The following RRP8 variants were observed in gnomAD, a reference collection of about 807,000 sequenced individuals.
RRP8 encodes ribosomal RNA processing 8, also known as ribosomal RNA-processing protein 8.
A neutral mutation model predicts 45.0 loss-of-function variants in RRP8; 48 were observed. The observed-to-expected ratio is 1.07, with a 90% CI of 0.85 to 1.36. The LOEUF (loss-of-function observed/expected upper bound fraction) is 1.36, where lower values mean the gene tolerates loss of function less well. Among genes scored for constraint, RRP8 ranks in the 40% most tolerant of loss-of-function variants. RRP8 has a pLI of 0.00. For synonymous variants in RRP8, 274 were observed against 212.4 expected (o/e 1.29, Z -2.52); for missense variants, 658 against 573.7 (o/e 1.15, Z -1.50).
In RRP8 at chr11:6,601,979, C is replaced by T; in HGVS notation, c.336G>A (p.Arg112=). 1 of 1,614,202 alleles carries T rather than the reference C, an allele frequency of 6.2e-7. No individual in the cohort carries two copies. The highest frequency in any genetic ancestry group is 1.6e-4 in the Middle Eastern group (1 of 6,062). ...GAGCCTGTTTGTGGCATTTCTTCTT[C>T]CTTTCTACTTCTTCCTCAGAGTCAC... ...PCSDSEEEVE[R]KKKCHKQALV... is the part of the protein sequence containing the mutation. The change falls in exon 2 of 7, where the codon AGG becomes AGA. Residue 112 remains arginine, a synonymous_variant. Transcript: ENST00000254605.
Position 6,595,324 on chromosome 11 carries a change from A to G in RRP8, c.*4822T>C, listed in dbSNP as rs922754468. On this transcript the variant is annotated 3_prime_UTR_variant, in exon 7 of 7. Coordinates refer to ENST00000254605, the MANE Select transcript of RRP8 (RefSeq NM_015324.4). ...GGAACGTATTTATACCAGAGTATTA[A>G]CAATGTAGAAGGACCCTTGAAACGA... The G allele has an allele frequency of 4.6e-5, 7 of 152,176 alleles. No individual in the cohort carries two copies. The highest frequency in any genetic ancestry group is 1.4e-4 in the African/African-American group (6 of 41,430). 9.4% of individuals were successfully genotyped at this position (152,176 alleles called of 1,614,324 possible). A position where few individuals can be genotyped will look rare whatever the true frequency, so the allele number is the denominator to read the frequency against.
Position 6,603,590 on chromosome 11 carries a change from G to A in RRP8, c.-88C>T, listed in dbSNP as rs1854518949. 6 of 799,732 alleles carry A rather than the reference G, an allele frequency of 7.5e-6. No homozygotes were observed. In the East Asian group the frequency reaches 1.8e-4, roughly 24 times the overall value. 49.5% of individuals were successfully genotyped at this position (799,732 alleles called of 1,614,324 possible). A position where few individuals can be genotyped will look rare whatever the true frequency, so the allele number is the denominator to read the frequency against. On this transcript the variant is annotated 5_prime_UTR_variant, in exon 1 of 7. Coordinates refer to ENST00000254605, the MANE Select transcript of RRP8 (RefSeq NM_015324.4). ...GAAGTCGGAGCGCTCAGACCTGCCA[G>A]AACCGACCCGGAAACCAAAGCGTGA...
At position 6,603,578 on chromosome 11, in the gene RRP8, T is replaced by C; in HGVS notation, c.-76A>G. 9.9e-7 allele frequency: 1 copy of C among 1,006,460 alleles called. No individual in the cohort carries two copies. Among genetic ancestry groups the C allele is most frequent in the Non-Finnish European group, 1.4e-6 (1 of 693,338 alleles). 62.3% of individuals were successfully genotyped at this position (1,006,460 alleles called of 1,614,324 possible). ...AGCGCTCCTCTGGAAGTCGGAGCGCTCAGACCTGCCAGAACCGACCCGGAA... is the reference window on the plus strand; with the variant it reads ...AGCGCTCCTCTGGAAGTCGGAGCGCCCAGACCTGCCAGAACCGACCCGGAA... On this transcript the variant is annotated 5_prime_UTR_variant, in exon 1 of 7. Coordinates refer to ENST00000254605, the MANE Select transcript of RRP8 (RefSeq NM_015324.4).
Position 6,599,936 on chromosome 11 carries a change from T to G in RRP8, c.*210A>C. The G allele has an allele frequency of 2.8e-6, 1 of 362,232 alleles. No individual in the cohort carries two copies. The allele number at this position is 362,232 out of a possible 1,614,324, so 22.4% of individuals were successfully genotyped here. A position where few individuals can be genotyped will look rare whatever the true frequency, so the allele number is the denominator to read the frequency against. ...ATATCCCCATGTTCTCACAATAAAC[T>G]CTTTATTGTTTAGCTAGCCCCAGTG... On this transcript the variant is annotated 3_prime_UTR_variant, in exon 7 of 7. Transcript: ENST00000254605.
intron 6 of RRP8, 92 bp from the exon 7 acceptor site, chr11:6,600,357 C>T (rs1854311929): frequency 7.7e-7 from 1 of 1,300,596 alleles, no homozygotes; most frequent in African/African-American, 1.5e-5. Context: ...CACAAAGCTT[C>T]CCAGGGCTCC....
rs1270166513 is a variant in RRP8 at position 6,597,584 on chromosome 11, T to TAA, written c.*2560_*2561dup. On this transcript the variant is annotated 3_prime_UTR_variant, in exon 7 of 7. Transcript: ENST00000254605. The stretch of plus-strand genomic sequence containing the variant: ...AGCTAACAACCTGCCCATCCTCCCA[T>TAA]AAAAAAAAAAAAAAAAAAAACACTG... The TAA allele has an allele frequency of 0.37, 44,209 of 119,972 alleles. 8,457 individuals carry two copies. The highest frequency in any genetic ancestry group is 0.39 in the Admixed American group (4,495 of 11,588). The allele number at this position is 119,972 out of a possible 1,614,324, so 7.4% of individuals were successfully genotyped here. A position where few individuals can be genotyped will look rare whatever the true frequency, so the allele number is the denominator to read the frequency against.
In RRP8 at chr11:6,600,139, C is replaced by T. The variant is rs61875867; in HGVS notation, c.*7G>A. 0.021 allele frequency: 32,139 copies of T among 1,552,808 alleles called. 433 individuals are homozygous for T. The highest frequency in any genetic ancestry group is 0.025 in the Non-Finnish European group (28,099 of 1,144,938). On this transcript the variant is annotated 3_prime_UTR_variant, in exon 7 of 7. Transcript: ENST00000254605. The stretch of plus-strand genomic sequence containing the variant: ...ATCTGCCTCCCCTTTCAAGGAAGAT[C>T]CAGAGGTCACCTGCGCTTGTAGAGA...
Position 6,601,846 on chromosome 11 carries a change from T to C in RRP8, c.463+6A>G, listed in dbSNP as rs974214440. On this transcript the variant is annotated splice_donor_region_variant and intron_variant, in intron 2 of 6. Transcript: ENST00000254605. ...AACACACACACATATACACATCCAA[T>C]GGTACCTGTTTGGTCAACATTGTCC... The C allele has an allele frequency of 2.1e-5, 33 of 1,603,314 alleles. No homozygotes were observed. Among genetic ancestry groups the C allele is most frequent in the African/African-American group, 2.7e-5 (2 of 74,638 alleles).
At position 6,601,520 on chromosome 11, in the gene RRP8, T is replaced by C. The variant is rs1281454372; in HGVS notation, c.546A>G (p.Thr182=). 5 of 1,611,374 alleles carry C rather than the reference T, an allele frequency of 3.1e-6. No homozygotes were observed. The highest frequency in any genetic ancestry group is 3.4e-6 in the Non-Finnish European group (4 of 1,180,014). The change falls in exon 3 of 7, where the codon ACA becomes ACG. Residue 182 remains threonine, a synonymous_variant. Transcript: ENST00000254605. ...GGTTCCGCCACTGCTTGCGGCTTAA[T>C]GTATGAGGGGGTTTAGGGGAAGTGG... ...PGSTSPKPPH[T]LSRKQWRNRQ...
rs747763666 is a variant in RRP8, at chr11:6,600,762, T to C, written c.1061A>G (p.Asp354Gly). The C allele has an allele frequency of 1.9e-5, 31 of 1,613,708 alleles. No homozygotes were observed. The highest frequency in any genetic ancestry group is 3.3e-4 in the Middle Eastern group (2 of 6,004). The part of the protein sequence containing the change: ...VCDMAQVPLE[D>G]ESVDVAVFCL... Reference sequence around the variant, plus strand: ...AAACACAGCCACATCCACAGACTCATCCTCCAGAGGAACCTGTGGAGAGTG... The same window carrying C: ...AAACACAGCCACATCCACAGACTCACCCTCCAGAGGAACCTGTGGAGAGTG... Residue 354 changes from aspartate (D) to glycine (G), a missense_variant, in exon 5 of 7, where the codon GAT becomes GGT. Physicochemically the swap from Asp to Gly is moderately conservative, Grantham distance 94. Transcript: ENST00000254605.
At position 6,597,329 on chromosome 11, in the gene RRP8, C is replaced by T. The variant is rs1172839840; in HGVS notation, c.*2817G>A. ...GCACTGTGGGCCTGGAAGATATTTC[C>T]TCTCCCCTATTCTCACTCTCAAATG... On this transcript the variant is annotated 3_prime_UTR_variant, in exon 7 of 7. Transcript: ENST00000254605. The T allele has an allele frequency of 6.6e-6, 1 of 151,922 alleles. No individual in the cohort carries two copies. The highest frequency in any genetic ancestry group is 1.5e-5 in the Non-Finnish European group (1 of 67,990). The allele number at this position is 151,922 out of a possible 1,614,324, so 9.4% of individuals were successfully genotyped here.
Position 6,600,781 on chromosome 11 carries a change from G to A in RRP8, c.1048-6C>T, listed in dbSNP as rs115960367. On this transcript the variant is annotated splice_region_variant and splice_polypyrimidine_tract_variant and intron_variant, in intron 4 of 6. Coordinates refer to ENST00000254605, the MANE Select transcript of RRP8 (RefSeq NM_015324.4). ...GACTCATCCTCCAGAGGAACCTGTG[G>A]AGAGTGAGAGTGTTGTATAAGGCAC... is the stretch of plus-strand genomic sequence containing the variant. 1,316 of 1,613,152 alleles carry A rather than the reference G, an allele frequency of 8.2e-4. 14 individuals carry two copies. The African/African-American group carries it at 0.015, about 18-fold the overall frequency.
At position 6,599,942 on chromosome 11, in the gene RRP8, T is replaced by G; in HGVS notation, c.*204A>C. On this transcript the variant is annotated 3_prime_UTR_variant, in exon 7 of 7. Transcript: ENST00000254605. ...CCATGTTCTCACAATAAACTCTTTA[T>G]TGTTTAGCTAGCCCCAGTGACTTTA... is the stretch of plus-strand genomic sequence containing the variant. 1 of 370,934 alleles carries G rather than the reference T, an allele frequency of 2.7e-6. No individual in the cohort carries two copies. Among genetic ancestry groups the G allele is most frequent in the Admixed American group, 4.5e-5 (1 of 22,334 alleles). The allele number at this position is 370,934 out of a possible 1,614,324, so 23.0% of individuals were successfully genotyped here. A position where few individuals can be genotyped will look rare whatever the true frequency, so the allele number is the denominator to read the frequency against.
chr11:6,600,603 T>C, intron 5 of RRP8, 21 bp from the exon 6 acceptor site: 1 of 1,613,266 alleles, frequency 6.2e-7, no homozygotes, highest in African/African-American at 1.3e-5. Context: ...CAGAAAGTTC[T>C]GTGTAAGTGC....
Position 6,596,297 on chromosome 11 carries a change from G to C in RRP8, c.*3849C>G, listed in dbSNP as rs960456. On this transcript the variant is annotated 3_prime_UTR_variant, in exon 7 of 7. Transcript: ENST00000254605. ...GGAGCATGTGCAAAGACTCTCAGTA[G>C]AAACAGTTTGGAAAGCTTGAGGAAT... 51,768 of 152,210 alleles carry C rather than the reference G, an allele frequency of 0.34. 9,048 individuals carry two copies. Among genetic ancestry groups the C allele is most frequent in the Admixed American group, 0.38 (5,779 of 15,286 alleles). 9.4% of individuals were successfully genotyped at this position (152,210 alleles called of 1,614,324 possible).
intron 1 of RRP8, among the ~76,000 whole-genome samples, chr11:6,602,533 C>G (rs887043856): frequency 6.6e-6 from 1 of 152,164 alleles, no homozygotes; most frequent in Non-Finnish European, 1.5e-5. Context: ...TGAGCTTTTG[C>G]CTAGAGCTGA....
In RRP8 at chr11:6,600,235, C is replaced by A; in HGVS notation, c.1282G>T (p.Asp428Tyr). ...DLTNSHFFLF[D>Y]FQKTGPPLVG... ...AGAGGGGGCCCAGTCTTTTGGAAATCAAACAAGAAGAAATGGCTGTTGGTC... is the reference window on the plus strand; with the variant it reads ...AGAGGGGGCCCAGTCTTTTGGAAATAAAACAAGAAGAAATGGCTGTTGGTC... The change falls in exon 7 of 7, where the codon GAT (aspartate) becomes TAT (tyrosine). Residue 428 changes from aspartate (D) to tyrosine (Y), a missense_variant. Transcript: ENST00000254605. The A allele has an allele frequency of 6.2e-7, 1 of 1,601,636 alleles. No individual in the cohort carries two copies. The highest frequency in any genetic ancestry group is 1.1e-5 in the South Asian group (1 of 89,056).
At position 6,601,600 on chromosome 11, in the gene RRP8, G is replaced by T; in HGVS notation, c.466C>A (p.Pro156Thr). The change falls in exon 3 of 7, where the codon CCC (proline) becomes ACC (threonine). Residue 156 changes from proline (P) to threonine (T), a missense_variant and splice_region_variant. Pro to Thr is a conservative substitution (Grantham distance 38). Transcript: ENST00000254605. ...GTAGTACTACCCTTCCAGGCTTTGGGACCTACAGGGAGGGAGATGGGAAGG... is the reference window on the plus strand; with the variant it reads ...GTAGTACTACCCTTCCAGGCTTTGGTACCTACAGGGAGGGAGATGGGAAGG... ...QHLDNVDQTGPKAWKGSTTND... is the reference protein window; with the variant it reads ...QHLDNVDQTGTKAWKGSTTND... The T allele has an allele frequency of 6.3e-7, 1 of 1,597,014 alleles. No individual in the cohort carries two copies. Among genetic ancestry groups the T allele is most frequent in the South Asian group, 1.1e-5 (1 of 90,778 alleles).
At position 6,601,144 on chromosome 11, in the gene RRP8, T is replaced by A. The variant is rs1854342602; in HGVS notation, c.917+5A>T. On this transcript the variant is annotated splice_donor_5th_base_variant and intron_variant, in intron 3 of 6. Coordinates refer to ENST00000254605, the MANE Select transcript of RRP8 (RefSeq NM_015324.4). ...GGCTTCTCACAGTCCCTGACCCCCATTCACCGCTGGCGAAGATCCCTGGCG... is the reference window on the plus strand; with the variant it reads ...GGCTTCTCACAGTCCCTGACCCCCAATCACCGCTGGCGAAGATCCCTGGCG... The A allele has an allele frequency of 1.2e-6, 2 of 1,613,784 alleles. No individual in the cohort carries two copies.
Sources: gnomAD v4.1 joint callset for allele counts (sites outside exome capture counted in the v4.1 genomes callset) on GRCh38, gnomAD v4.1.1 for gene constraint, MANE v1.5 for transcripts, NCBI Gene and HGNC (gene_info 2026-07-23, HGNC 2026-07-21) for gene names.